The following DLG2 variants were observed in gnomAD, a reference collection of about 807,000 sequenced individuals.
The protein encoded by DLG2 is discs large MAGUK scaffold protein 2.
DLG2 carries 45 observed loss-of-function variants against 132.5 expected under a neutral mutation model. The ratio of observed to expected loss-of-function variants is 0.34; its 90% CI spans 0.27 to 0.44. The LOEUF (loss-of-function observed/expected upper bound fraction) is 0.44, where lower values mean the gene tolerates loss of function less well. Ranked by LOEUF, DLG2 falls within the 20% of genes least tolerant of loss-of-function variation. The probability of loss-of-function intolerance (pLI) is 1.00; values close to 1 mark genes in which losing one functional copy is unlikely to be tolerated. For synonymous variants in DLG2, 424 were observed against 419.6 expected, an observed-to-expected ratio of 1.01 and a Z score of -0.13; for missense variants, 1,045 against 1,196.9, an observed-to-expected ratio of 0.87 and a Z score of 1.87.
At chr11:84,491,962 T>C (rs1463969117) in intron 7 of DLG2, among the ~76,000 whole-genome samples, 2 of 152,156 alleles carry the variant, frequency 1.3e-5, no homozygotes, top group East Asian at 1.9e-4. Flanking sequence ...TACTTTCCCA[T>C]TGCATTGTAG....
At chr11:85,290,749 T>C (rs1333818723) in intron 3 of DLG2, among the ~76,000 whole-genome samples, 1 of 152,058 alleles carries the variant, frequency 6.6e-6, no homozygotes, top group Non-Finnish European at 1.5e-5. Flanking sequence ...AATTGACTTC[T>C]AGGTGAGAGC....
chr11:84,706,614 T>C (rs956248515), intron 6 of DLG2, among the ~76,000 whole-genome samples: 2 of 151,564 alleles, frequency 1.3e-5, no homozygotes, highest in African/African-American at 4.8e-5. Context: ...CTTTGGAAAA[T>C]CTGCTTCTCC....
intron 7 of DLG2, among the ~76,000 whole-genome samples, chr11:84,485,083 A>G (rs1427807068): frequency 2.0e-5 from 3 of 152,166 alleles, no homozygotes; most frequent in African/African-American, 7.2e-5. Context: ...TTGCACAGCT[A>G]ACATGGAGCC....
intron 6 of DLG2, among the ~76,000 whole-genome samples, chr11:84,871,380 G>A (rs1253441279): frequency 6.6e-6 from 1 of 152,202 alleles, no homozygotes; most frequent in African/African-American, 2.4e-5. Flanking sequence ...GGTTTGGAAA[G>A]CCATTAAAAC....
chr11:84,093,202 G>A (rs537674837), intron 10 of DLG2, among the ~76,000 whole-genome samples: 2 of 152,150 alleles, frequency 1.3e-5, no homozygotes, highest in Non-Finnish European at 2.9e-5. Context: ...GTATCAAGAT[G>A]TCAGCTGAGC....
intron 3 of DLG2, among the ~76,000 whole-genome samples, chr11:85,360,185 G>C (rs2084037565): frequency 6.6e-6 from 1 of 152,164 alleles, no homozygotes; most frequent in Admixed American, 6.6e-5. Flanking sequence ...CTAGTTGTCA[G>C]TTTAGAAAAC....
chr11:84,359,482 GC>G (rs1202016672), intron 7 of DLG2, among the ~76,000 whole-genome samples: 1 of 151,838 alleles, frequency 6.6e-6, no homozygotes, highest in Non-Finnish European at 1.5e-5. Flanking sequence ...GCTGTTATTA[GC>G]AAAGGTTACG....
At chr11:83,665,342 A>G (rs1046679498) in intron 18 of DLG2, among the ~76,000 whole-genome samples, 1 of 152,230 alleles carries the variant, frequency 6.6e-6, no homozygotes, top group Non-Finnish European at 1.5e-5. Flanking sequence ...TGTGCTAGGC[A>G]ATGGAGATAC....
chr11:84,829,010 A>T (rs1294832300), intron 6 of DLG2, among the ~76,000 whole-genome samples: 2 of 151,652 alleles, frequency 1.3e-5, no homozygotes, highest in Non-Finnish European at 3.0e-5. Flanking sequence ...TTTTCAACAG[A>T]ACCCGCCTCA....
intron 6 of DLG2, among the ~76,000 whole-genome samples, chr11:84,625,018 G>A (rs1466977203): frequency 6.7e-6 from 1 of 149,358 alleles, no homozygotes; most frequent in Non-Finnish European, 1.5e-5. Flanking sequence ...CCGCCACTAC[G>A]CCCGGCTAAT....
intron 18 of DLG2, among the ~76,000 whole-genome samples, chr11:83,710,943 C>G (rs2085269218): frequency 6.6e-6 from 1 of 152,174 alleles, no homozygotes; most frequent in Non-Finnish European, 1.5e-5. Flanking sequence ...GGAGCACTAA[C>G]TGTACCCAAG....
intron 7 of DLG2, among the ~76,000 whole-genome samples, chr11:84,379,863 C>T (rs1399447050): frequency 6.6e-6 from 1 of 151,598 alleles, no homozygotes; most frequent in Non-Finnish European, 1.5e-5. Context: ...TAAGCCCCAA[C>T]AGCATTTATC....
intron 7 of DLG2, among the ~76,000 whole-genome samples, chr11:84,417,142 T>C (rs1028794334): frequency 6.6e-6 from 1 of 152,218 alleles, no homozygotes; most frequent in Non-Finnish European, 1.5e-5. Context: ...GATTAGTTAC[T>C]GAATAAATGG....
chr11:84,313,677 G>GAAAGAA (rs1268104527), intron 7 of DLG2, among the ~76,000 whole-genome samples: 1 of 150,140 alleles, frequency 6.7e-6, no homozygotes, highest in African/African-American at 2.5e-5. Flanking sequence ...AAGAAAGAAA[G>GAAAGAA]AAAGAAAGAA....
At chr11:84,673,892 G>C (rs2099708660) in intron 6 of DLG2, among the ~76,000 whole-genome samples, 1 of 152,078 alleles carries the variant, frequency 6.6e-6, no homozygotes, top group Non-Finnish European at 1.5e-5. Flanking sequence ...TCAGCACAGG[G>C]ACAGCAAACA....
At chr11:84,898,753 C>T (rs574391706) in intron 6 of DLG2, among the ~76,000 whole-genome samples, 1 of 152,012 alleles carries the variant, frequency 6.6e-6, no homozygotes, top group African/African-American at 2.4e-5. Flanking sequence ...CCTGCCTTTT[C>T]TTCTAAAAAA....
intron 6 of DLG2, among the ~76,000 whole-genome samples, chr11:84,738,340 C>A (rs546098471): frequency 1.6e-4 from 24 of 151,854 alleles, no homozygotes; most frequent in African/African-American, 5.6e-4. Context: ...TGTATATACC[C>A]TCTAGATTTG....
chr11:85,467,974 G>T (rs2092851759), intron 3 of DLG2, among the ~76,000 whole-genome samples: 1 of 152,118 alleles, frequency 6.6e-6, no homozygotes, highest in South Asian at 2.1e-4. Context: ...ATTAATTATT[G>T]CCTCAATTTC....
At chr11:83,832,505 C>G (rs1353475374) in intron 17 of DLG2, among the ~76,000 whole-genome samples, 1 of 152,092 alleles carries the variant, frequency 6.6e-6, no homozygotes, top group Non-Finnish European at 1.5e-5. Context: ...AACACAGGAA[C>G]AGAAAGCCAA....
Sources: gnomAD v4.1 joint callset for allele counts (sites outside exome capture counted in the v4.1 genomes callset) on GRCh38, gnomAD v4.1.1 for gene constraint, MANE v1.5 for transcripts, NCBI Gene and HGNC (gene_info 2026-07-23, HGNC 2026-07-21) for gene names.